ASRGL1: variants seen among roughly 807,000 people sequenced by gnomAD.
ASRGL1 encodes isoaspartyl peptidase/L-asparaginase.
In ASRGL1, 16 loss-of-function variants were observed where a neutral mutation model predicts 22.4. The observed-to-expected ratio is 0.71, with a 90% CI of 0.48 to 1.08. The LOEUF (loss-of-function observed/expected upper bound fraction) is 1.08, where lower values mean the gene tolerates loss of function less well. Ranked by LOEUF, ASRGL1 falls within the 50% of genes least tolerant of loss-of-function variation. The probability of loss-of-function intolerance (pLI) is 0.00; values close to 1 mark genes in which losing one functional copy is unlikely to be tolerated. For missense variants in ASRGL1, 412 were observed against 410.1 expected (o/e 1.00, Z -0.04); for synonymous variants, 165 against 159.3 (o/e 1.04, Z -0.27).
intron 4 of ASRGL1, among the ~76,000 whole-genome samples, chr11:62,375,047 G>A (rs1330912458): frequency 6.6e-6 from 1 of 151,832 alleles, no homozygotes; most frequent in Non-Finnish European, 1.5e-5. Flanking sequence ...GGGCAGAGCT[G>A]GACTTAGATC....
At chr11:62,366,743 T>G (rs1246058961) in intron 4 of ASRGL1, among the ~76,000 whole-genome samples, 2 of 152,102 alleles carry the variant, frequency 1.3e-5, no homozygotes, top group African/African-American at 4.8e-5. Flanking sequence ...GCTCCTGAGC[T>G]CAAGTGGTCC....
At chr11:62,375,935 C>G (rs1351226301) in intron 4 of ASRGL1, among the ~76,000 whole-genome samples, 2 of 151,760 alleles carry the variant, frequency 1.3e-5, no homozygotes, top group African/African-American at 4.8e-5. Context: ...AACCCCGTCT[C>G]TACTAAAAAT....
intron 6 of ASRGL1, 29 bp downstream of exon 6, chr11:62,391,661 AT>A: frequency 6.4e-7 from 1 of 1,572,392 alleles, no homozygotes; most frequent in East Asian, 2.3e-5. Context: ...AAGTAAAATA[AT>A]TTGTGAAGAT....
chr11:62,341,450 C>T (rs182768803), intron 2 of ASRGL1, among the ~76,000 whole-genome samples: 1 of 152,228 alleles, frequency 6.6e-6, no homozygotes, highest in Admixed American at 6.5e-5. Flanking sequence ...CCGCCCACCT[C>T]AGCCTCCCAA....
intron 4 of ASRGL1, among the ~76,000 whole-genome samples, chr11:62,358,492 G>A (rs1590721808): frequency 6.6e-6 from 1 of 151,914 alleles, no homozygotes; most frequent in African/African-American, 2.4e-5. Flanking sequence ...CATGATTTAC[G>A]TTCATTTTGA....
intron 4 of ASRGL1, among the ~76,000 whole-genome samples, chr11:62,373,692 T>G (rs949216829): frequency 6.6e-6 from 1 of 152,264 alleles, no homozygotes; most frequent in African/African-American, 2.4e-5. Flanking sequence ...TTCCCGCTTT[T>G]TCTTGCAGAT....
Position 62,371,580 on chromosome 11 carries a change from C to T in ASRGL1, c.491+14436C>T, listed in dbSNP as rs999723183. The T allele has an allele frequency of 4.9e-5, 34 of 687,476 alleles. No homozygotes were observed. The African/African-American group carries it at 5.7e-4, about 11-fold the overall frequency. The allele number at this position is 687,476 out of a possible 1,614,324, so 42.6% of individuals were successfully genotyped here. ...GGACACAATACACTGCGGAAGGCCA[C>T]AGGGACTTCCTCACAAAGTGCAAAG... is the stretch of plus-strand genomic sequence containing the variant. On this transcript the variant is annotated intron_variant, in intron 4 of 6. Transcript: ENST00000415229.
intron 4 of ASRGL1, among the ~76,000 whole-genome samples, chr11:62,362,576 T>A (rs1451372191): frequency 3.8e-5 from 2 of 52,196 alleles, no homozygotes; most frequent in Non-Finnish European, 3.5e-5. Flanking sequence ...ATAATATATA[T>A]TATATAAAAT....
chr11:62,394,392 A>G (rs1947406828), downstream of ASRGL1, among the ~76,000 whole-genome samples: 1 of 148,976 alleles, frequency 6.7e-6, no homozygotes, highest in South Asian at 2.1e-4. Context: ...GTCCACCCTA[A>G]TGACCTCATT....
intron 4 of ASRGL1, among the ~76,000 whole-genome samples, chr11:62,384,915 CAAA>C (rs375953895): frequency 0.23 from 24,030 of 103,152 alleles, 2,192 homozygotes; most frequent in South Asian, 0.3. Flanking sequence ...AAGACTGTCT[CAAA>C]AAAAAAAAAA....
intron 4 of ASRGL1, among the ~76,000 whole-genome samples, chr11:62,387,728 T>G (rs1261972605): frequency 6.6e-6 from 1 of 152,194 alleles, no homozygotes. Context: ...TTTGTTTTGT[T>G]TTTGTCACCT....
intron 5 of ASRGL1, chr11:62,389,704 A>G (rs780634577): frequency 2.1e-5 from 6 of 285,188 alleles, no homozygotes; most frequent in Non-Finnish European, 4.1e-5. Flanking sequence ...CAGACACATT[A>G]TAGATTGAGA....
rs1336783186 is a variant in ASRGL1, at chr11:62,337,895, C to T, written c.-83C>T. 6.9e-7 allele frequency: 1 copy of T among 1,442,610 alleles called. No individual in the cohort carries two copies. Among genetic ancestry groups the T allele is most frequent in the Non-Finnish European group, 9.4e-7 (1 of 1,068,128 alleles). The allele number at this position is 1,442,610 out of a possible 1,614,324, so 89.4% of individuals were successfully genotyped here. A position where few individuals can be genotyped will look rare whatever the true frequency, so the allele number is the denominator to read the frequency against. On this transcript the variant is annotated 5_prime_UTR_variant, in exon 2 of 7. Coordinates refer to ENST00000415229, the MANE Select transcript of ASRGL1 (RefSeq NM_001083926.2). The stretch of plus-strand genomic sequence containing the variant: ...ACTGGGCATTGTCCCCACAGGGTCT[C>T]CCGAGGACCTTGTACCCGCGCGGCT...
chr11:62,398,077 C>G (rs1947451933), downstream of ASRGL1, among the ~76,000 whole-genome samples: 2 of 152,082 alleles, frequency 1.3e-5, no homozygotes. Context: ...GCCAGGCCGA[C>G]CATTTCAAAC....
At chr11:62,361,739 GC>G (rs1946440815) in intron 4 of ASRGL1, among the ~76,000 whole-genome samples, 1 of 151,936 alleles carries the variant, frequency 6.6e-6, no homozygotes, top group Non-Finnish European at 1.5e-5. Context: ...GCCTGCCTCA[GC>G]CCCCTAAAGT....
intron 4 of ASRGL1, chr11:62,381,769 C>T (rs1260938178): frequency 2.0e-5 from 3 of 152,154 alleles, no homozygotes; most frequent in Non-Finnish European, 4.4e-5. Flanking sequence ...GGCATATTTA[C>T]TTTCAGTTTG....
At chr11:62,389,566 C>CACA (rs1947293430) in intron 5 of ASRGL1, 1 of 401,304 alleles carries the variant, frequency 2.5e-6, no homozygotes, top group African/African-American at 2.1e-5. Flanking sequence ...TCTCTTTAGC[C>CACA]ACAGTTTCAG....
At chr11:62,364,048 T>A (rs1278599185) in intron 4 of ASRGL1, among the ~76,000 whole-genome samples, 2 of 150,912 alleles carry the variant, frequency 1.3e-5, no homozygotes, top group African/African-American at 4.9e-5. Context: ...AGTCCCAGCT[T>A]CTCGGGAGGC....
At chr11:62,371,607 G>T (rs896449199) in intron 4 of ASRGL1, 1 of 667,150 alleles carries the variant, frequency 1.5e-6, no homozygotes, top group Non-Finnish European at 2.9e-6. Flanking sequence ...AGTGCAAAGG[G>T]GAGCTTTTGA....
Sources: allele counts gnomAD v4.1 joint callset (sites outside exome capture counted in the v4.1 genomes callset), GRCh38; gene constraint gnomAD v4.1.1; transcripts MANE v1.5; gene names NCBI Gene and HGNC (gene_info 2026-07-23, HGNC 2026-07-21).